MIGA2: variants seen among roughly 807,000 people sequenced by gnomAD.
MIGA2 encodes mitoguardin 2.
A neutral mutation model predicts 69.9 loss-of-function variants in MIGA2; 36 were observed. The observed-to-expected ratio is 0.52, with a 90% CI of 0.39 to 0.68. MIGA2 has a LOEUF of 0.68. Among genes scored for constraint, MIGA2 ranks in the 30% least tolerant of loss-of-function variants. MIGA2 has a pLI of 0.00. For synonymous variants in MIGA2, 333 were observed against 349.2 expected (o/e 0.95, Z 0.52); for missense variants, 660 against 787.7 (o/e 0.84, Z 1.94).
chr9:129,041,972 C>A (rs1844929907), intron 2 of MIGA2, among the ~76,000 whole-genome samples: 1 of 152,206 alleles, frequency 6.6e-6, no homozygotes. Flanking sequence ...GACAGGGACT[C>A]AGATGGGTAC....
At chr9:129,045,489 T>C (rs1037337272) in intron 3 of MIGA2, among the ~76,000 whole-genome samples, 27 of 142,768 alleles carry the variant, frequency 1.9e-4, no homozygotes, top group South Asian at 1.8e-3. Context: ...CCGGGTGTGG[T>C]GGCTCACACC....
intron 10 of MIGA2, 99 bp from the exon 11 acceptor site, chr9:129,063,446 A>G (rs1445856861): frequency 6.4e-7 from 1 of 1,552,730 alleles, no homozygotes; most frequent in Non-Finnish European, 8.8e-7. Context: ...CCTCTGTGGC[A>G]GGTGGGCCAC....
chr9:129,066,608 A>G (rs911217226), intron 11 of MIGA2, among the ~76,000 whole-genome samples: 5 of 135,396 alleles, frequency 3.7e-5, no homozygotes, highest in Admixed American at 1.6e-4. Context: ...CAGGAGGCGG[A>G]GCTTGCAGTG....
chr9:129,063,719 T>C (rs1374858098), intron 11 of MIGA2, 88 bp downstream of exon 11: 1 of 1,295,000 alleles, frequency 7.7e-7, no homozygotes, highest in African/African-American at 1.5e-5. Flanking sequence ...GGAACCCCTG[T>C]GCACAGGCTG....
chr9:129,039,362 C>T (rs573414603), intron 1 of MIGA2, among the ~76,000 whole-genome samples: 1 of 151,806 alleles, frequency 6.6e-6, no homozygotes, highest in East Asian at 2.0e-4. Context: ...TCTCCTGCCT[C>T]AGCCTTCCGC....
chr9:129,067,048 A>G (rs1846395694), intron 11 of MIGA2, among the ~76,000 whole-genome samples: 2 of 149,252 alleles, frequency 1.3e-5, no homozygotes, highest in African/African-American at 4.9e-5. Flanking sequence ...AGGCAGGAGA[A>G]TGGCGTGAAC....
At position 129,059,324 on chromosome 9, in the gene MIGA2, G is replaced by A. The variant is rs976903796; in HGVS notation, c.793+53G>A. ...GGGCGTGGAGGGTGGCAGGGATGGA[G>A]GTGAGGAGAAGTTGCGAGAACCGGG... On this transcript the variant is annotated intron_variant, in intron 7 of 15. Transcript: ENST00000684074. The surrounding 1 kb of genome is among the most constrained non-coding windows in gnomAD (Gnocchi z 5.6). 1.4e-6 allele frequency: 2 copies of A among 1,418,190 alleles called. No individual in the cohort carries two copies. The highest frequency in any genetic ancestry group is 1.4e-5 in the African/African-American group (1 of 70,534). 87.9% of individuals were successfully genotyped at this position (1,418,190 alleles called of 1,614,324 possible).
At position 129,069,473 on chromosome 9, in the gene MIGA2, G is replaced by A. The variant is rs531583788; in HGVS notation, c.1458+344G>A. 5.1e-5 allele frequency: 26 copies of A among 506,258 alleles called. No individual in the cohort carries two copies. Among genetic ancestry groups the A allele is most frequent in the South Asian group, 2.7e-4 (12 of 45,116 alleles). The allele number at this position is 506,258 out of a possible 1,614,324, so 31.4% of individuals were successfully genotyped here. On this transcript the variant is annotated intron_variant, in intron 14 of 15. Coordinates refer to ENST00000684074, the MANE Select transcript of MIGA2 (RefSeq NM_001329990.2). This position sits in a 1 kb window ranked among gnomAD's most constrained non-coding sequence, Gnocchi z 4.9. Reference sequence around the variant, plus strand: ...GCCCTGTCCCTCCTGCCCTTTCCCCGCCCCAGTCAGGCCCCTGTAATCTCC... The same window carrying A: ...GCCCTGTCCCTCCTGCCCTTTCCCCACCCCAGTCAGGCCCCTGTAATCTCC...
intron 3 of MIGA2, among the ~76,000 whole-genome samples, chr9:129,043,652 C>T (rs554556387): frequency 2.0e-5 from 3 of 151,924 alleles, no homozygotes; most frequent in Non-Finnish European, 4.4e-5. Context: ...CTCCCAAAAT[C>T]CTGGGATTAC....
intron 6 of MIGA2, among the ~76,000 whole-genome samples, chr9:129,057,466 T>C (rs1189934664): frequency 6.7e-6 from 1 of 148,838 alleles, no homozygotes; most frequent in Non-Finnish European, 1.5e-5. Context: ...GCTGATTTTT[T>C]GTATTTTTAG....
intron 1 of MIGA2, 50 bp from the exon 2 acceptor site, chr9:129,040,402 A>G: frequency 7.7e-7 from 1 of 1,296,588 alleles, no homozygotes; most frequent in Non-Finnish European, 1.0e-6. Context: ...GCATTTCTGC[A>G]TGTTCCCGTG....
At position 129,048,499 on chromosome 9, in the gene MIGA2, A is replaced by G. The variant is rs1314691899; in HGVS notation, c.380A>G (p.Glu127Gly). The G allele has an allele frequency of 6.2e-7, 1 of 1,614,008 alleles. No homozygotes were observed. ...ACCCTGAGTGGCATCTCTTCCATTG[A>G]GCCCAGCAAGCACTCGGGCTCCTCC... is the stretch of plus-strand genomic sequence containing the variant. The part of the protein sequence containing the change: ...NDTLSGISSI[E>G]PSKHSGSSHS... Residue 127 changes from glutamate to glycine, a missense_variant, in exon 4 of 16, where the codon GAG (glutamate) becomes GGG (glycine). Physicochemically the swap from Glu to Gly is moderately conservative, Grantham distance 98. Coordinates refer to ENST00000684074, the MANE Select transcript of MIGA2 (RefSeq NM_001329990.2).
Position 129,042,464 on chromosome 9 carries a change from C to T in MIGA2, c.257C>T (p.Thr86Met), listed in dbSNP as rs200641191. ...GPEMGGEQLG[T>M]VPLPILLARK... ...GAGATGGGAGGGGAGCAGCTGGGCA[C>T]GGTGCCCCTCCCTATCCTCTTGGCC... The change falls in exon 3 of 16, where the codon ACG (threonine) becomes ATG (methionine). Residue 86 changes from threonine to methionine, a missense_variant. Thr to Met is a moderately conservative substitution (Grantham distance 81, BLOSUM62 -1). Coordinates refer to ENST00000684074, the MANE Select transcript of MIGA2 (RefSeq NM_001329990.2). 158 of 1,604,928 alleles carry T rather than the reference C, an allele frequency of 9.8e-5. 1 individual carries two copies. Among genetic ancestry groups the T allele is most frequent in the Non-Finnish European group, 1.1e-4 (132 of 1,176,362 alleles).
chr9:129,066,098 C>T lies in MIGA2; in HGVS notation c.1171-1675C>T, dbSNP rs75837898. 1.2e-3 allele frequency among the ~76,000 whole-genome samples: 185 copies of T among 152,332 alleles called. 4 individuals carry two copies. In the East Asian group the frequency reaches 0.02, roughly 17 times the overall value. On this transcript the variant is annotated intron_variant, in intron 11 of 15. Transcript: ENST00000684074. The stretch of plus-strand genomic sequence containing the variant: ...TCAGTGTATACTCAATGGTTCTTCA[C>T]TGCGGGGAGTTCATTCGAGCCTCAC...
chr9:129,070,384 C>A lies in MIGA2; in HGVS notation c.1713C>A (p.Pro571=), dbSNP rs375061896. 5.6e-6 allele frequency: 9 copies of A among 1,612,150 alleles called. No homozygotes were observed. The highest frequency in any genetic ancestry group is 5.1e-6 in the Non-Finnish European group (6 of 1,179,616). ...SEILLGYLGV[P]AASSAGVNGA... ...TATTGCTGGGGTACCTGGGGGTGCCCGCGGCCAGCAGCGCAGGCGTGAATG... is the reference window on the plus strand; with the variant it reads ...TATTGCTGGGGTACCTGGGGGTGCCAGCGGCCAGCAGCGCAGGCGTGAATG... Residue 571 remains proline (P), a synonymous_variant, in exon 16 of 16, where the codon CCC becomes CCA. Transcript: ENST00000684074.
Position 129,060,480 on chromosome 9 carries a change from G to C in MIGA2, c.794-70G>C, listed in dbSNP as rs1176999844. The C allele has an allele frequency of 7.8e-7, 1 of 1,286,682 alleles. No homozygotes were observed. Among genetic ancestry groups the C allele is most frequent in the Non-Finnish European group, 1.1e-6 (1 of 922,050 alleles). The allele number at this position is 1,286,682 out of a possible 1,614,324, so 79.7% of individuals were successfully genotyped here. On this transcript the variant is annotated intron_variant, in intron 7 of 15. Coordinates refer to ENST00000684074, the MANE Select transcript of MIGA2 (RefSeq NM_001329990.2). The surrounding 1 kb of genome is among the most constrained non-coding windows in gnomAD (Gnocchi z 4.8). The stretch of plus-strand genomic sequence containing the variant: ...TCCCCTGGGCCTGATGGGGGACTTC[G>C]TGTACCGGGATTCCAGCTGAGCACT...
intron 1 of MIGA2, chr9:129,039,999 C>T (rs1335108720): frequency 6.6e-6 from 1 of 152,468 alleles, no homozygotes; most frequent in Non-Finnish European, 1.5e-5. Flanking sequence ...CCCATCTCGG[C>T]CTTCCAAAGT....
chr9:129,055,847 T>C (rs1248114703), intron 6 of MIGA2, among the ~76,000 whole-genome samples: 1 of 131,348 alleles, frequency 7.6e-6, no homozygotes, highest in Non-Finnish European at 1.6e-5. Flanking sequence ...AGACTCCATC[T>C]GAAAAAAAAA....
chr9:129,049,476 T>G lies in MIGA2; in HGVS notation c.516T>G (p.Asn172Lys), dbSNP rs1286597968. Residue 172 changes from asparagine (N) to lysine (K), a missense_variant, in exon 5 of 16, where the codon AAT becomes AAG. Around this residue, in one of 3 missense-constraint regions of MIGA2, gnomAD observed 386 missense variants for 402.0 expected, o/e 0.96. Coordinates refer to ENST00000684074, the MANE Select transcript of MIGA2 (RefSeq NM_001329990.2). ...MEESLTTSDG[N>K]AESLYMQGME... ...AGTCTCTGACCACCAGCGACGGCAA[T>G]GCAGAGAGCCTGTACATGCAAGGTG... 38 of 1,613,416 alleles carry G rather than the reference T, an allele frequency of 2.4e-5. No individual in the cohort carries two copies. The highest frequency in any genetic ancestry group is 3.2e-5 in the Non-Finnish European group (38 of 1,179,890).
Sources: allele counts gnomAD v4.1 joint callset (sites outside exome capture counted in the v4.1 genomes callset), GRCh38; gene constraint gnomAD v4.1.1; regional missense constraint gnomAD v4.1.1; non-coding constraint Gnocchi (gnomAD v3.1); transcripts MANE v1.5; gene names NCBI Gene and HGNC (gene_info 2026-07-23, HGNC 2026-07-21).